Variants in GPM6A observed in about 807,000 individuals in gnomAD.
GPM6A encodes neuronal membrane glycoprotein M6-a.
In GPM6A, 7 loss-of-function variants were observed where a neutral mutation model predicts 32.1. The observed-to-expected ratio is 0.22, with a 90% CI of 0.12 to 0.41. The LOEUF (loss-of-function observed/expected upper bound fraction) is 0.41. Among genes scored for constraint, GPM6A ranks in the 10% least tolerant of loss-of-function variants. The pLI is 1.00. For missense variants in GPM6A, 235 were observed against 347.2 expected (o/e 0.68, Z 2.57); for synonymous variants, 130 against 123.4 (o/e 1.05, Z -0.35).
intron 2 of GPM6A, among the ~76,000 whole-genome samples, chr4:175,689,415 T>C (rs1355646469): frequency 6.6e-6 from 1 of 151,838 alleles, no homozygotes; most frequent in Non-Finnish European, 1.5e-5. Flanking sequence ...TGTACAAGCC[T>C]TTTCCCTCCT....
intron 1 of GPM6A, among the ~76,000 whole-genome samples, chr4:175,779,972 G>A (rs577784569): frequency 1.3e-5 from 2 of 151,570 alleles, no homozygotes; most frequent in African/African-American, 4.8e-5. Context: ...CAGTAACTCG[G>A]AGGTAGCAGT....
intron 1 of GPM6A, among the ~76,000 whole-genome samples, chr4:175,764,058 T>C (rs1326419001): frequency 6.6e-6 from 1 of 152,182 alleles, no homozygotes; most frequent in Non-Finnish European, 1.5e-5. Flanking sequence ...AAGTGTACAA[T>C]TCAATATAAT....
At chr4:175,716,424 C>CAG (rs1745844915) in intron 1 of GPM6A, among the ~76,000 whole-genome samples, 2 of 152,066 alleles carry the variant, frequency 1.3e-5, no homozygotes, top group South Asian at 2.1e-4. Context: ...TGTAGGTTTG[C>CAG]TGGAGAGGTA....
At chr4:175,922,665 A>G (rs1203277148) in intron 1 of GPM6A, among the ~76,000 whole-genome samples, 1 of 152,210 alleles carries the variant, frequency 6.6e-6, no homozygotes, top group African/African-American at 2.4e-5. Context: ...CTCTACATAG[A>G]TGAAACTAGC....
intron 1 of GPM6A, among the ~76,000 whole-genome samples, chr4:175,821,770 T>A (rs1009782266): frequency 6.6e-6 from 1 of 152,056 alleles, no homozygotes; most frequent in Non-Finnish European, 1.5e-5. Context: ...GAACACATTA[T>A]TGGATTTTAA....
chr4:175,747,269 C>CAAAAAA (rs5864346), intron 1 of GPM6A, among the ~76,000 whole-genome samples: 1 of 109,506 alleles, frequency 9.1e-6, no homozygotes, highest in Non-Finnish European at 1.8e-5. Flanking sequence ...ACTCCATCTC[C>CAAAAAA]AAAAAAAAAA....
At chr4:175,646,012 A>G (rs967663793) in intron 4 of GPM6A, among the ~76,000 whole-genome samples, 2 of 152,084 alleles carry the variant, frequency 1.3e-5, no homozygotes, top group African/African-American at 4.8e-5. Context: ...CCCTTCCTCT[A>G]TAGTCCATCT....
At chr4:175,692,511 T>G (rs1744354152) in intron 2 of GPM6A, among the ~76,000 whole-genome samples, 1 of 152,150 alleles carries the variant, frequency 6.6e-6, no homozygotes, top group Non-Finnish European at 1.5e-5. Flanking sequence ...GTATACCTGT[T>G]TTTATATTTT....
chr4:175,908,845 T>G (rs1216911138), intron 1 of GPM6A, among the ~76,000 whole-genome samples: 1 of 152,064 alleles, frequency 6.6e-6, no homozygotes, highest in African/African-American at 2.4e-5. Context: ...TTTCTCATAT[T>G]GTATTGGGCT....
chr4:175,868,835 G>C (rs1736817477), intron 1 of GPM6A, among the ~76,000 whole-genome samples: 1 of 152,102 alleles, frequency 6.6e-6, no homozygotes. Context: ...CACTTCTCTG[G>C]AAGTTTCATT....
At chr4:175,737,361 T>C (rs77730074) in intron 1 of GPM6A, among the ~76,000 whole-genome samples, 8,197 of 151,888 alleles carry the variant, frequency 0.054, 385 homozygotes, top group East Asian at 0.27. Context: ...TGTAATCCTG[T>C]ACGCCTGTAA....
chr4:175,939,730 T>C (rs1271216094), intron 1 of GPM6A, among the ~76,000 whole-genome samples: 1 of 152,194 alleles, frequency 6.6e-6, no homozygotes, highest in Non-Finnish European at 1.5e-5. Context: ...TGAATGAATG[T>C]ATATGGTGAC....
chr4:175,648,907 C>A (rs1325517910), intron 4 of GPM6A, among the ~76,000 whole-genome samples: 1 of 152,162 alleles, frequency 6.6e-6, no homozygotes, highest in Admixed American at 6.6e-5. Flanking sequence ...AACCCTAATT[C>A]CCCATTGAAA....
At chr4:175,895,116 G>A (rs993868878) in intron 1 of GPM6A, among the ~76,000 whole-genome samples, 2 of 152,030 alleles carry the variant, frequency 1.3e-5, no homozygotes, top group African/African-American at 4.8e-5. Context: ...ATACTTAAAG[G>A]CAAAACAAAA....
intron 1 of GPM6A, among the ~76,000 whole-genome samples, chr4:175,808,123 G>C (rs1734771593): frequency 6.6e-6 from 1 of 152,088 alleles, no homozygotes; most frequent in South Asian, 2.1e-4. Context: ...CTTCTTCAGG[G>C]ATGATGTCTG....
intron 1 of GPM6A, among the ~76,000 whole-genome samples, chr4:175,715,217 T>C (rs1248118258): frequency 6.6e-6 from 1 of 152,230 alleles, no homozygotes; most frequent in East Asian, 1.9e-4. Flanking sequence ...TTCATTTCTT[T>C]CATGTGTGTG....
intron 1 of GPM6A, among the ~76,000 whole-genome samples, chr4:175,846,889 T>C (rs1736103623): frequency 6.6e-6 from 1 of 152,122 alleles, no homozygotes; most frequent in Non-Finnish European, 1.5e-5. Context: ...CACAATGAAA[T>C]AATGAAGATG....
chr4:175,965,771 T>C (rs1456715288), intron 1 of GPM6A, among the ~76,000 whole-genome samples: 1 of 151,868 alleles, frequency 6.6e-6, no homozygotes, highest in Non-Finnish European at 1.5e-5. Flanking sequence ...GTGGTACCAC[T>C]CCCAGCTAAT....
At chr4:175,719,889 C>A (rs1746025701) in intron 1 of GPM6A, among the ~76,000 whole-genome samples, 1 of 152,180 alleles carries the variant, frequency 6.6e-6, no homozygotes, top group African/African-American at 2.4e-5. Flanking sequence ...ATGCTTTGCT[C>A]CCTAAGGCCA....
Sources: gnomAD v4.1 joint callset for allele counts (sites outside exome capture counted in the v4.1 genomes callset) on GRCh38, gnomAD v4.1.1 for gene constraint, MANE v1.5 for transcripts, NCBI Gene and HGNC (gene_info 2026-07-23, HGNC 2026-07-21) for gene names.